The following NBEAL1 variants were observed in gnomAD, a reference collection of about 807,000 sequenced individuals.
NBEAL1 encodes neurobeachin-like protein 1.
In NBEAL1, 273 loss-of-function variants were observed where a neutral mutation model predicts 351.3. That is an observed-to-expected ratio of 0.78 (90% CI 0.70 to 0.86). NBEAL1 has a LOEUF of 0.86. Among genes scored for constraint, NBEAL1 ranks in the 40% least tolerant of loss-of-function variants. The probability of loss-of-function intolerance (pLI) is 0.00; values close to 1 mark genes in which losing one functional copy is unlikely to be tolerated. For missense variants in NBEAL1, 2,961 were observed against 3,201.3 expected, an observed-to-expected ratio of 0.92 and a Z score of 1.81; for synonymous variants, 1,050 against 1,086.4, an observed-to-expected ratio of 0.97 and a Z score of 0.66.
chr2:203,145,579 C>T (rs1386641935), intron 33 of NBEAL1, among the ~76,000 whole-genome samples: 2 of 152,060 alleles, frequency 1.3e-5, no homozygotes, highest in Non-Finnish European at 2.9e-5. Context: ...GGATGGATCA[C>T]CTGAGATGAG....
chr2:203,130,094 C>T (rs1368364999), intron 24 of NBEAL1, among the ~76,000 whole-genome samples: 2 of 151,996 alleles, frequency 1.3e-5, no homozygotes, highest in East Asian at 1.9e-4. Context: ...CCTGGGAAGT[C>T]GAGGCTGCAG....
rs1045842068 is a variant in NBEAL1 at position 203,218,394 on chromosome 2, A to C, written c.*1040A>C. 1.3e-5 allele frequency: 2 copies of C among 152,186 alleles called. No individual in the cohort carries two copies. The highest frequency in any genetic ancestry group is 2.9e-5 in the Non-Finnish European group (2 of 68,020). The allele number at this position is 152,186 out of a possible 1,614,324, so 9.4% of individuals were successfully genotyped here. On this transcript the variant is annotated 3_prime_UTR_variant, in exon 56 of 56. Transcript: ENST00000683969. Reference sequence around the variant, plus strand: ...GTCTGATTTATTTAATTTGGAATTCAAAGACATTGTTAAACTTAGATTTTT... The same window carrying C: ...GTCTGATTTATTTAATTTGGAATTCCAAGACATTGTTAAACTTAGATTTTT...
intron 2 of NBEAL1, among the ~76,000 whole-genome samples, chr2:203,029,378 T>C (rs2060913350): frequency 6.6e-6 from 1 of 152,228 alleles, no homozygotes; most frequent in Non-Finnish European, 1.5e-5. Flanking sequence ...TTACCTAACA[T>C]TGCAGATGTG....
rs781270076 is a variant in NBEAL1, at chr2:203,167,283, C to T, written c.5920C>T (p.Arg1974Cys). Residue 1974 changes from arginine to cysteine, a missense_variant, in exon 38 of 56, where the codon CGT becomes TGT. By Grantham distance (180) the Arg-to-Cys change is radical. Coordinates refer to ENST00000683969, the MANE Select transcript of NBEAL1 (RefSeq NM_001378026.1). ...HSQIREIHLRRYNLRRSALEI... is the reference protein window; with the variant it reads ...HSQIREIHLRCYNLRRSALEI... The stretch of plus-strand genomic sequence containing the variant: ...TCAAATTCGAGAGATTCATCTCCGG[C>T]GTTACAATTTAAGAAGATCAGCCCT... The T allele has an allele frequency of 3.0e-5, 49 of 1,612,398 alleles. No homozygotes were observed. Among genetic ancestry groups the T allele is most frequent in the Non-Finnish European group, 3.9e-5 (46 of 1,179,266 alleles).
At chr2:203,016,738 G>A (rs2060686796) in intron 2 of NBEAL1, among the ~76,000 whole-genome samples, 1 of 152,018 alleles carries the variant, frequency 6.6e-6, no homozygotes, top group Admixed American at 6.6e-5. Context: ...TTTTATTTTT[G>A]TTTGTGCTTT....
intron 30 of NBEAL1, 58 bp from the exon 31 acceptor site, chr2:203,138,562 C>T: frequency 4.1e-6 from 6 of 1,480,540 alleles, no homozygotes; most frequent in South Asian, 4.0e-5. Flanking sequence ...GAAAATTGAT[C>T]ATCAGTAAAT....
Position 203,125,549 on chromosome 2 carries a change from T to G in NBEAL1, c.2851+29T>G, listed in dbSNP as rs779412840. On this transcript the variant is annotated intron_variant, in intron 20 of 55. Transcript: ENST00000683969. ...TTAAGATGAAATTAACACAAAATAG[T>G]CATTGAGAAATTTGAGAATTAATTG... is the stretch of plus-strand genomic sequence containing the variant. 7.3e-6 allele frequency: 10 copies of G among 1,360,700 alleles called. No homozygotes were observed. In the East Asian group the frequency reaches 2.4e-4, roughly 32 times the overall value. The allele number at this position is 1,360,700 out of a possible 1,614,324, so 84.3% of individuals were successfully genotyped here. A position where few individuals can be genotyped will look rare whatever the true frequency, so the allele number is the denominator to read the frequency against.
chr2:203,199,394 A>T lies in NBEAL1; in HGVS notation c.7185A>T (p.Arg2395Ser), dbSNP rs2065328690. 6.2e-7 allele frequency: 1 copy of T among 1,608,946 alleles called. No individual in the cohort carries two copies. The highest frequency in any genetic ancestry group is 2.2e-5 in the East Asian group (1 of 44,790). Residue 2395 changes from arginine (R) to serine (S), a missense_variant, in exon 49 of 56, where the codon AGA becomes AGT. Coordinates refer to ENST00000683969, the MANE Select transcript of NBEAL1 (RefSeq NM_001378026.1). ...CCCATGGATGGTTGCCTTATGACAG[A>T]AACATTTCTAATTACTTTACATTCA... ...IGTHGWLPYD[R>S]NISNYFTFIK...
At chr2:203,192,780 TTC>T (rs939004347) in intron 46 of NBEAL1, among the ~76,000 whole-genome samples, 8 of 152,132 alleles carry the variant, frequency 5.3e-5, no homozygotes, top group Admixed American at 4.6e-4. Context: ...TTAGATAGAA[TTC>T]TGTTTTGCCT....
intron 24 of NBEAL1, among the ~76,000 whole-genome samples, chr2:203,128,782 G>T (rs1346866925): frequency 6.6e-6 from 1 of 151,814 alleles, no homozygotes; most frequent in Non-Finnish European, 1.5e-5. Context: ...ATTGTTAGTA[G>T]AGATGGGGTT....
chr2:203,200,255 G>A (rs2065357727), intron 49 of NBEAL1, among the ~76,000 whole-genome samples: 1 of 152,140 alleles, frequency 6.6e-6, no homozygotes. Flanking sequence ...GCTCACACCT[G>A]TAATCCCAGC....
chr2:203,110,384 A>G, intron 15 of NBEAL1, 102 bp downstream of exon 15: 1 of 1,327,000 alleles, frequency 7.5e-7, no homozygotes, highest in Non-Finnish European at 1.0e-6. Context: ...AAAAAATTTA[A>G]ATGAGGCTGG....
intron 55 of NBEAL1, among the ~76,000 whole-genome samples, chr2:203,215,072 A>C (rs903979710): frequency 2.6e-5 from 4 of 152,000 alleles, no homozygotes; most frequent in Non-Finnish European, 4.4e-5. Flanking sequence ...AAAAGCAACC[A>C]TTAGGCCTGG....
chr2:203,107,064 T>A (rs2062455263), intron 12 of NBEAL1, among the ~76,000 whole-genome samples: 1 of 152,156 alleles, frequency 6.6e-6, no homozygotes, highest in Non-Finnish European at 1.5e-5. Flanking sequence ...CATTTTTTCC[T>A]CTATTTTTGT....
In NBEAL1 at chr2:203,056,555, GT is replaced by G. The variant is rs2061405748; in HGVS notation, c.387+51del. Reference sequence around the variant, plus strand: ...TTGTCACTTTACTGAGAACAACTAGGTTTTACTTTTTGTTTGTTTGTTTGTT... The same window carrying G: ...TTGTCACTTTACTGAGAACAACTAGGTTTACTTTTTGTTTGTTTGTTTGTT... On this transcript the variant is annotated intron_variant, in intron 5 of 55. Transcript: ENST00000683969. The G allele has an allele frequency of 1.3e-5, 14 of 1,064,128 alleles. No homozygotes were observed. The Admixed American group carries it at 2.1e-4, about 16-fold the overall frequency. The allele number at this position is 1,064,128 out of a possible 1,614,324, so 65.9% of individuals were successfully genotyped here.
Position 203,201,706 on chromosome 2 carries a change from C to A in NBEAL1, c.7402C>A (p.Arg2468=). 1 of 1,597,306 alleles carries A rather than the reference C, an allele frequency of 6.3e-7. No homozygotes were observed. Among genetic ancestry groups the A allele is most frequent in the South Asian group, 1.1e-5 (1 of 88,120 alleles). ...TKGKIISHII[R]HMDIVTCLAT... ...AGGCAAAATTATCTCACACATCATC[C>A]GGCATATGGGTAAGCATTAGCTTTT... The change falls in exon 50 of 56, where the codon CGG becomes AGG. Residue 2468 remains arginine, a synonymous_variant. Coordinates refer to ENST00000683969, the MANE Select transcript of NBEAL1 (RefSeq NM_001378026.1).
At position 203,133,091 on chromosome 2, in the gene NBEAL1, TG is replaced by T; in HGVS notation, c.3760del (p.Val1254TyrfsTer9). ...PVINFKDLLS[V>X]VYISHRAHIN... ...ATTAATTTCAAAGATCTACTATCTG[TG>T]GTATATATATCTCACAGAGCACATA... On this transcript the variant is annotated frameshift_variant, in exon 27 of 56. Transcript: ENST00000683969. LOFTEE classifies it high-confidence loss of function. The T allele has an allele frequency of 6.6e-7, 1 of 1,517,206 alleles. No homozygotes were observed. The highest frequency in any genetic ancestry group is 2.1e-5 in the Admixed American group (1 of 48,468). 94.0% of individuals were successfully genotyped at this position (1,517,206 alleles called of 1,614,324 possible). A position where few individuals can be genotyped will look rare whatever the true frequency, so the allele number is the denominator to read the frequency against.
intron 46 of NBEAL1, among the ~76,000 whole-genome samples, chr2:203,191,616 A>C (rs536041797): frequency 1.1e-4 from 17 of 152,350 alleles, no homozygotes; most frequent in Admixed American, 2.6e-4. Flanking sequence ...CCTAATCTTC[A>C]TAGTAAAAAT....
rs1035559302 is a variant in NBEAL1, at chr2:203,108,029, A to G, written c.1790A>G (p.Gln597Arg). Residue 597 changes from glutamine (Q) to arginine (R), a missense_variant, in exon 14 of 56, where the codon CAG (glutamine) becomes CGG (arginine). By Grantham distance (43) the Gln-to-Arg change is conservative. Transcript: ENST00000683969. ...AAACTAAGTCTAGAGAGTGCCCTCC[A>G]GTATTTCAATTTGTCACATAGTATG... ...ARKLSLESAL[Q>R]YFNLSHSMAG... 5.1e-6 allele frequency: 8 copies of G among 1,553,948 alleles called. No homozygotes were observed. Among genetic ancestry groups the G allele is most frequent in the Non-Finnish European group, 7.0e-6 (8 of 1,147,730 alleles).
Sources: allele counts gnomAD v4.1 joint callset (sites outside exome capture counted in the v4.1 genomes callset), GRCh38; gene constraint gnomAD v4.1.1; transcripts MANE v1.5; gene names NCBI Gene and HGNC (gene_info 2026-07-23, HGNC 2026-07-21).